CNNM4: variants seen among roughly 807,000 people sequenced by gnomAD.
CNNM4 encodes metal transporter CNNM4.
In CNNM4, 32 loss-of-function variants were observed where a neutral mutation model predicts 53.7. The observed-to-expected ratio is 0.60, with a 90% CI of 0.45 to 0.80. The LOEUF is 0.80. CNNM4 is among the 30% of genes least tolerant of loss of function. The pLI, the probability that CNNM4 is intolerant of heterozygous loss-of-function variation, is 0.00. For synonymous variants in CNNM4, 410 were observed against 440.0 expected, an observed-to-expected ratio of 0.93 and a Z score of 0.85; for missense variants, 784 against 1,022.0, an observed-to-expected ratio of 0.77 and a Z score of 3.17.
chr2:96,771,444 C>CCTATAATCCCA (rs1485336201), intron 1 of CNNM4, among the ~76,000 whole-genome samples: 1 of 152,076 alleles, frequency 6.6e-6, no homozygotes, highest in African/African-American at 2.4e-5. Context: ...GTGGTTCACA[C>CCTATAATCCCA]CTATAATCCC....
intron 1 of CNNM4, among the ~76,000 whole-genome samples, chr2:96,771,154 G>A (rs1558981663): frequency 1.3e-5 from 2 of 152,076 alleles, no homozygotes; most frequent in African/African-American, 2.4e-5. Context: ...CCTGCCCTGC[G>A]CCTCGCTTAC....
intron 1 of CNNM4, among the ~76,000 whole-genome samples, chr2:96,780,459 C>T (rs972740016): frequency 1.3e-5 from 2 of 150,194 alleles, no homozygotes; most frequent in Admixed American, 6.6e-5. Context: ...CGGGCTTCAC[C>T]GTGTTGTCCA....
At chr2:96,779,379 T>C (rs2078953885) in intron 1 of CNNM4, among the ~76,000 whole-genome samples, 1 of 151,952 alleles carries the variant, frequency 6.6e-6, no homozygotes, top group Admixed American at 6.6e-5. Flanking sequence ...CGTGGTGGCA[T>C]GCACCTTTGA....
chr2:96,792,604 A>T (rs1218420262), intron 1 of CNNM4, among the ~76,000 whole-genome samples: 1 of 151,978 alleles, frequency 6.6e-6, no homozygotes, highest in African/African-American at 2.4e-5. Context: ...GGAGTTCGTG[A>T]CCAGCCTGAC....
chr2:96,807,209 C>T (rs750976710), intron 5 of CNNM4, among the ~76,000 whole-genome samples: 12 of 152,132 alleles, frequency 7.9e-5, no homozygotes, highest in Admixed American at 3.9e-4. Flanking sequence ...TGCGGTTTTG[C>T]TGTGTTGCCC....
intron 1 of CNNM4, among the ~76,000 whole-genome samples, chr2:96,787,923 T>C (rs1049872325): frequency 6.6e-6 from 1 of 152,142 alleles, no homozygotes; most frequent in Non-Finnish European, 1.5e-5. Flanking sequence ...ACTGTTTTTG[T>C]TTTGTTTGCT....
rs1282409399 is a variant in CNNM4, at chr2:96,797,726, CCCAT to C, written c.1681+80_1681+83del. ...GTCCTGGGTTTCCGGCTGCTTTCCC[CCCAT>C]AGGACGAGGGCTGCAGCAGGTGAGG... On this transcript the variant is annotated intron_variant, in intron 3 of 6. Coordinates refer to ENST00000377075, the MANE Select transcript of CNNM4 (RefSeq NM_020184.4). This position sits in a 1 kb window ranked among gnomAD's most constrained non-coding sequence, Gnocchi z 6.0. 1.9e-6 allele frequency: 3 copies of C among 1,583,520 alleles called. No homozygotes were observed. The Admixed American group carries it at 5.2e-5, about 28-fold the overall frequency.
rs767652067 is a variant in CNNM4 at position 96,809,383 on chromosome 2, C to T, written c.2194C>T (p.Pro732Ser). The change falls in exon 7 of 7, where the codon CCC (proline) becomes TCC (serine). Residue 732 changes from proline (P) to serine (S), a missense_variant. Pro to Ser is a moderately conservative substitution (Grantham distance 74). Transcript: ENST00000377075. ...TCGCATGGAGAACAGCCCTCAGTTT[C>T]CCATAGACGGGTGCACCACCCACAT... Reference protein sequence around the residue: ...ASRMENSPQFPIDGCTTHMEN... With the variant: ...ASRMENSPQFSIDGCTTHMEN... 10 of 1,614,204 alleles carry T rather than the reference C, an allele frequency of 6.2e-6. No individual in the cohort carries two copies. The highest frequency in any genetic ancestry group is 8.5e-6 in the Non-Finnish European group (10 of 1,180,040).
intron 1 of CNNM4, among the ~76,000 whole-genome samples, chr2:96,787,025 A>C (rs2079022116): frequency 6.6e-6 from 1 of 152,202 alleles, no homozygotes; most frequent in Non-Finnish European, 1.5e-5. Context: ...ACTTTACACA[A>C]ATAGTGAATC....
intron 5 of CNNM4, among the ~76,000 whole-genome samples, chr2:96,806,525 ACACACACACACGCGCGCG>A (rs1159818581): frequency 2.8e-5 from 4 of 141,906 alleles, no homozygotes; most frequent in African/African-American, 1.1e-4. Context: ...ACACACACAC[ACACACACACACGCGCGCG>A]CGCGCGCGCG....
intron 1 of CNNM4, among the ~76,000 whole-genome samples, chr2:96,771,606 T>C (rs2078870391): frequency 6.6e-6 from 1 of 150,774 alleles, no homozygotes; most frequent in South Asian, 2.1e-4. Context: ...CCCAACTACT[T>C]GGGAGGCTGA....
In CNNM4 at chr2:96,791,501, C is replaced by T. The variant is rs560811918; in HGVS notation, c.1403-5511C>T. On this transcript the variant is annotated intron_variant, in intron 1 of 6. Transcript: ENST00000377075. ...ACAAAAAATTAGCTGGGTGTGGTGG[C>T]GGGCGCCTGTAATCCCAGCTAGTCA... 6.0e-5 allele frequency among the ~76,000 whole-genome samples: 9 copies of T among 150,876 alleles called. No individual in the cohort carries two copies. In the South Asian group the frequency reaches 8.4e-4, roughly 14 times the overall value.
chr2:96,769,794 C>G (rs1001731887), intron 1 of CNNM4, among the ~76,000 whole-genome samples: 3 of 152,110 alleles, frequency 2.0e-5, no homozygotes, highest in Non-Finnish European at 2.9e-5. Flanking sequence ...AAGTGGTGCC[C>G]GAAGGCAGCT....
In CNNM4 at chr2:96,761,282, G is replaced by A; in HGVS notation, c.283G>A (p.Glu95Lys). The change falls in exon 1 of 7, where the codon GAG becomes AAG. Residue 95 changes from glutamate (E) to lysine (K), a missense_variant. Physicochemically the swap from Glu to Lys is moderately conservative, Grantham distance 56. Coordinates refer to ENST00000377075, the MANE Select transcript of CNNM4 (RefSeq NM_020184.4). This position sits in a 1 kb window ranked among gnomAD's most constrained non-coding sequence, Gnocchi z 6.0. ...NISSNLISFT[E>K]VDDAETLHKS... ...CTCCAGCAACCTGATCTCCTTCACC[G>A]AGGTGGACGATGCCGAGACCCTCCA... is the stretch of plus-strand genomic sequence containing the variant. The A allele has an allele frequency of 1.2e-6, 2 of 1,613,936 alleles. No individual in the cohort carries two copies. The highest frequency in any genetic ancestry group is 1.7e-6 in the Non-Finnish European group (2 of 1,180,000).
At chr2:96,763,010 C>T (rs1468851401) in intron 1 of CNNM4, among the ~76,000 whole-genome samples, 2 of 152,016 alleles carry the variant, frequency 1.3e-5, no homozygotes, top group African/African-American at 4.8e-5. Context: ...TTGGGAGCTA[C>T]AGGTTTTTGA....
Position 96,762,138 on chromosome 2 carries a change from T to A in CNNM4, c.1139T>A (p.Leu380His), listed in dbSNP as rs750131157. The A allele has an allele frequency of 1.2e-6, 2 of 1,614,082 alleles. No individual in the cohort carries two copies. Among genetic ancestry groups the A allele is most frequent in the Non-Finnish European group, 1.7e-6 (2 of 1,180,028 alleles). The change falls in exon 1 of 7, where the codon CTC (leucine) becomes CAC (histidine). Residue 380 changes from leucine (L) to histidine (H), a missense_variant. Transcript: ENST00000377075. ...ACTGTAGAGGATATCATGACCCAGC[T>A]CCAGGACTGCTTCATGATCCGCAGC... ...TKTVEDIMTQ[L>H]QDCFMIRSDA...
chr2:96,777,299 G>T (rs1469929573), intron 1 of CNNM4, among the ~76,000 whole-genome samples: 1 of 152,190 alleles, frequency 6.6e-6, no homozygotes, highest in Non-Finnish European at 1.5e-5. Flanking sequence ...GATTACAGGC[G>T]TGAGCCACTG....
chr2:96,783,448 C>G (rs988870875), intron 1 of CNNM4, among the ~76,000 whole-genome samples: 26 of 152,312 alleles, frequency 1.7e-4, no homozygotes, highest in Non-Finnish European at 3.1e-4. Context: ...CAGGGACCAG[C>G]GTCTGGGTGG....
intron 5 of CNNM4, among the ~76,000 whole-genome samples, chr2:96,803,635 A>C (rs568962338): frequency 1.1e-3 from 165 of 152,012 alleles, no homozygotes; most frequent in African/African-American, 3.9e-3. Flanking sequence ...CTGAGGCAAG[A>C]GAATCGCTTG....
Sources: allele counts gnomAD v4.1 joint callset (sites outside exome capture counted in the v4.1 genomes callset), GRCh38; gene constraint gnomAD v4.1.1; non-coding constraint Gnocchi (gnomAD v3.1); transcripts MANE v1.5; gene names NCBI Gene and HGNC (gene_info 2026-07-23, HGNC 2026-07-21).